Variants in SMC2 observed in about 807,000 individuals in gnomAD.
SMC2 encodes structural maintenance of chromosomes protein 2.
Under a neutral mutation model 142.6 loss-of-function variants are expected in SMC2, and 41 were observed. That is an observed-to-expected ratio of 0.29 (90% CI 0.22 to 0.37). SMC2 has a LOEUF of 0.37. SMC2 is among the 10% of genes least tolerant of loss of function. The pLI is 1.00. For missense variants in SMC2, 1,265 were observed against 1,373.7 expected, an observed-to-expected ratio of 0.92 and a Z score of 1.25; for synonymous variants, 463 against 457.5, an observed-to-expected ratio of 1.01 and a Z score of -0.15.
chr9:104,101,417 A>C (rs903802539), intron 7 of SMC2, among the ~76,000 whole-genome samples: 1 of 152,186 alleles, frequency 6.6e-6, no homozygotes, highest in Admixed American at 6.5e-5. Flanking sequence ...AGGAATTTAA[A>C]CTTAGGTCCT....
chr9:104,113,851 C>G, intron 11 of SMC2, 113 bp from the exon 12 acceptor site: 1 of 647,150 alleles, frequency 1.5e-6, no homozygotes, highest in Non-Finnish European at 2.6e-6. Flanking sequence ...TTAATACTTA[C>G]AGAAATTTGT....
upstream of SMC2, among the ~76,000 whole-genome samples, chr9:104,093,977 C>G (rs1447615655): frequency 1.3e-5 from 2 of 152,222 alleles, no homozygotes; most frequent in Non-Finnish European, 2.9e-5. Flanking sequence ...GCACCGCAGA[C>G]TGGAGAAGGC....
chr9:104,136,591 G>A (rs1835551343), intron 23 of SMC2, among the ~76,000 whole-genome samples: 1 of 151,768 alleles, frequency 6.6e-6, no homozygotes, highest in Non-Finnish European at 1.5e-5. Flanking sequence ...CAGCACAGCA[G>A]AATTTTTTTT....
intron 3 of SMC2, among the ~76,000 whole-genome samples, chr9:104,097,592 C>G (rs58140204): frequency 0.02 from 2,980 of 150,826 alleles, 109 homozygotes; most frequent in African/African-American, 0.069. Context: ...AATATTTATC[C>G]TTTAGGAACT....
chr9:104,135,210 C>CAGATGATGCAAGTAGGAG (rs6151108), intron 23 of SMC2, among the ~76,000 whole-genome samples: 80,531 of 151,026 alleles, frequency 0.53, 22,254 homozygotes, highest in African/African-American at 0.57. Context: ...TCTGAAATGA[C>CAGATGATGCAAGTAGGAG]AGATGATGCA....
At chr9:104,112,961 C>T (rs1374750836) in intron 10 of SMC2, among the ~76,000 whole-genome samples, 2 of 151,926 alleles carry the variant, frequency 1.3e-5, no homozygotes, top group African/African-American at 4.8e-5. Flanking sequence ...AACAACTAAG[C>T]GGAAAGGAAA....
intron 16 of SMC2, among the ~76,000 whole-genome samples, chr9:104,121,996 C>G (rs1282344517): frequency 6.6e-6 from 1 of 152,130 alleles, no homozygotes; most frequent in Admixed American, 6.5e-5. Flanking sequence ...CTCAAGTGTT[C>G]TATCCTTTTT....
intron 16 of SMC2, among the ~76,000 whole-genome samples, chr9:104,122,561 C>G (rs1241655601): frequency 6.6e-6 from 1 of 151,278 alleles, no homozygotes; most frequent in Non-Finnish European, 1.5e-5. Flanking sequence ...ACTGAATTAG[C>G]TAAATACCTT....
intron 10 of SMC2, 31 bp downstream of exon 10, chr9:104,111,845 CT>C (rs779992029): frequency 2.6e-5 from 38 of 1,445,558 alleles, no homozygotes; most frequent in Admixed American, 6.5e-5. Context: ...TATGTGATTG[CT>C]TTTTTTTCCA....
At position 104,094,371 on chromosome 9, in the gene SMC2, G is replaced by A. The variant is rs1043491238; in HGVS notation, c.-168G>A. ...GTGTGGCAGGTGTTGTAGCCGCTAT[G>A]GTGAAGTTCGCTTTGTAGCGGCCCC... On this transcript the variant is annotated 5_prime_UTR_variant, in exon 1 of 25. An upstream start codon of the reference 5' UTR is lost. Coordinates refer to ENST00000374793, the MANE Select transcript of SMC2 (RefSeq NM_006444.3). 3 of 398,786 alleles carry A rather than the reference G, an allele frequency of 7.5e-6. No homozygotes were observed. The highest frequency in any genetic ancestry group is 1.3e-5 in the Non-Finnish European group (3 of 226,196). 24.7% of individuals were successfully genotyped at this position (398,786 alleles called of 1,614,324 possible). A position where few individuals can be genotyped will look rare whatever the true frequency, so the allele number is the denominator to read the frequency against.
intron 9 of SMC2, 148 bp downstream of exon 9, chr9:104,102,721 G>A: frequency 1.4e-6 from 1 of 718,308 alleles, no homozygotes. Context: ...TGGACCAAAT[G>A]GTCAAAAATC....
chr9:104,128,894 A>G lies in SMC2; in HGVS notation c.2791-751A>G, dbSNP rs534328503. On this transcript the variant is annotated intron_variant, in intron 20 of 24. Transcript: ENST00000374793. ...ATATATTTCTGAGAGAAAAATTATT[A>G]GGTCTCAGTCAGCATTAGGCTTCCA... Among the ~76,000 whole-genome samples, 28 of 152,306 alleles carry G rather than the reference A, an allele frequency of 1.8e-4. No homozygotes were observed. The South Asian group carries it at 5.6e-3, about 30-fold the overall frequency.
intron 4 of SMC2, among the ~76,000 whole-genome samples, chr9:104,098,839 A>T (rs897676916): frequency 1.3e-4 from 17 of 135,188 alleles, no homozygotes; most frequent in African/African-American, 6.1e-4. Context: ...GTTAACTGTA[A>T]AAAAAAAAAA....
At position 104,126,616 on chromosome 9, in the gene SMC2, T is replaced by C. The variant is rs930115677; in HGVS notation, c.2452-25T>C. 1.9e-6 allele frequency: 3 copies of C among 1,575,352 alleles called. No individual in the cohort carries two copies. In the African/African-American group the frequency reaches 4.1e-5, roughly 22 times the overall value. ...TTCAGTAGTTAATAACCTATATGAA[T>C]ACCTGAATACTGTATTTTTTATAGG... On this transcript the variant is annotated intron_variant, in intron 18 of 24. Coordinates refer to ENST00000374793, the MANE Select transcript of SMC2 (RefSeq NM_006444.3).
Position 104,120,244 on chromosome 9 carries a change from C to T in SMC2, c.2132+82C>T, listed in dbSNP as rs962076425. 42 of 1,242,424 alleles carry T rather than the reference C, an allele frequency of 3.4e-5. No individual in the cohort carries two copies. The African/African-American group carries it at 6.0e-4, about 18-fold the overall frequency. The allele number at this position is 1,242,424 out of a possible 1,614,324, so 77.0% of individuals were successfully genotyped here. On this transcript the variant is annotated intron_variant, in intron 16 of 24. Transcript: ENST00000374793. ...AAATTTACTTTTATTTCAAGAAATACAGCTTCTGACTTTTCTCATATTTTT... is the reference window on the plus strand; with the variant it reads ...AAATTTACTTTTATTTCAAGAAATATAGCTTCTGACTTTTCTCATATTTTT...
intron 9 of SMC2, among the ~76,000 whole-genome samples, chr9:104,103,580 C>T (rs770250590): frequency 1.3e-5 from 2 of 152,110 alleles, no homozygotes; most frequent in South Asian, 2.1e-4. Context: ...AGGTCGCCTT[C>T]GCGAGAACTA....
chr9:104,108,842 G>A (rs1226134370), intron 9 of SMC2, among the ~76,000 whole-genome samples: 1 of 152,172 alleles, frequency 6.6e-6, no homozygotes, highest in Admixed American at 6.5e-5. Context: ...CCATACAGTT[G>A]AGGGACCCCA....
At chr9:104,097,263 A>ATT (rs200346269) in intron 3 of SMC2, among the ~76,000 whole-genome samples, 7,070 of 149,040 alleles carry the variant, frequency 0.047, 453 homozygotes, top group African/African-American at 0.15. Context: ...CACCCGGCTA[A>ATT]TTTTTTTTTG....
upstream of SMC2, among the ~76,000 whole-genome samples, chr9:104,093,335 A>G (rs540190685): frequency 1.2e-4 from 18 of 152,288 alleles, no homozygotes; most frequent in Admixed American, 1.2e-3. Context: ...GGATCGGCTA[A>G]TAATACTAGA....
Sources: allele counts gnomAD v4.1 joint callset (sites outside exome capture counted in the v4.1 genomes callset), GRCh38; gene constraint gnomAD v4.1.1; transcripts MANE v1.5; gene names NCBI Gene and HGNC (gene_info 2026-07-23, HGNC 2026-07-21).